SLC47A2: variants seen among roughly 807,000 people sequenced by gnomAD.
SLC47A2 encodes multidrug and toxin extrusion protein 2.
In SLC47A2, 52 loss-of-function variants were observed where a neutral mutation model predicts 67.7. The observed-to-expected ratio is 0.77, with a 90% CI of 0.61 to 0.97. The LOEUF is 0.97. Ranked by LOEUF, SLC47A2 falls within the 50% of genes least tolerant of loss-of-function variation. The probability of loss-of-function intolerance (pLI) is 0.00; values close to 1 mark genes in which losing one functional copy is unlikely to be tolerated. For synonymous variants in SLC47A2, 278 were observed against 292.9 expected, an observed-to-expected ratio of 0.95 and a Z score of 0.52; for missense variants, 676 against 712.3, an observed-to-expected ratio of 0.95 and a Z score of 0.58.
rs778847384 is a variant in SLC47A2 at position 19,715,261 on chromosome 17, A to C, written c.124-44T>G. ...GTCAGACTCGGGGCCACAGGTGCCCACACAGCCGAGCCCTGCAAGACAGGC... is the reference window on the plus strand; with the variant it reads ...GTCAGACTCGGGGCCACAGGTGCCCCCACAGCCGAGCCCTGCAAGACAGGC... On this transcript the variant is annotated intron_variant, in intron 1 of 16. Coordinates refer to ENST00000433844, the MANE Select transcript of SLC47A2 (RefSeq NM_001099646.3). 6 of 1,562,952 alleles carry C rather than the reference A, an allele frequency of 3.8e-6. No homozygotes were observed. In the East Asian group the frequency reaches 1.3e-4, roughly 35 times the overall value.
chr17:19,681,573 A>T lies in SLC47A2; in HGVS notation c.1262T>A (p.Ile421Asn), dbSNP rs754493465. Residue 421 changes from isoleucine to asparagine, a missense_variant, in exon 14 of 17, where the codon ATC (isoleucine) becomes AAC (asparagine). Transcript: ENST00000433844. ...CATTCTGACCACAAAGGTCAGAAGG[A>T]TGCCCAGTGGTAGGCCGATGATGTA... is the stretch of plus-strand genomic sequence containing the variant. The part of the protein sequence containing the change: ...TYYIIGLPLG[I>N]LLTFVVRMRI... 6.8e-6 allele frequency: 11 copies of T among 1,614,206 alleles called. No homozygotes were observed. In the Admixed American group the frequency reaches 1.8e-4, roughly 27 times the overall value.
At chr17:19,691,647 A>AT (rs2085543326) in intron 13 of SLC47A2, among the ~76,000 whole-genome samples, 1 of 152,206 alleles carries the variant, frequency 6.6e-6, no homozygotes, top group Non-Finnish European at 1.5e-5. Flanking sequence ...GGGTACAAAA[A>AT]TGTAGTTAGA....
chr17:19,717,033 GC>G (rs2086284979), upstream of SLC47A2: 1 of 157,606 alleles, frequency 6.3e-6, no homozygotes, highest in South Asian at 1.9e-4. Context: ...TGGTGGCAGA[GC>G]CTGAACAGCC....
chr17:19,682,945 G>T (rs1028817435), intron 13 of SLC47A2, among the ~76,000 whole-genome samples: 4 of 152,166 alleles, frequency 2.6e-5, no homozygotes, highest in African/African-American at 9.7e-5. Flanking sequence ...CCTTGGTCAG[G>T]ATTATTGGCC....
intron 9 of SLC47A2, among the ~76,000 whole-genome samples, chr17:19,705,942 T>A (rs535702743): frequency 4.6e-5 from 7 of 152,282 alleles, no homozygotes; most frequent in African/African-American, 1.7e-4. Context: ...AAAAAGACAT[T>A]CCTGCCTGGC....
At chr17:19,709,051 AG>A (rs1443192184) in intron 5 of SLC47A2, among the ~76,000 whole-genome samples, 1 of 152,254 alleles carries the variant, frequency 6.6e-6, no homozygotes, top group African/African-American at 2.4e-5. Context: ...CATAGTGCAC[AG>A]TGCCTGGTAG....
At chr17:19,693,211 CAATT>C (rs1008766021) in intron 13 of SLC47A2, among the ~76,000 whole-genome samples, 1 of 151,986 alleles carries the variant, frequency 6.6e-6, no homozygotes, top group Non-Finnish European at 1.5e-5. Flanking sequence ...TAATAAAGAA[CAATT>C]AATGCAAAAC....
chr17:19,706,858 T>C, intron 8 of SLC47A2, 97 bp from the exon 9 acceptor site: 1 of 874,692 alleles, frequency 1.1e-6, no homozygotes, highest in South Asian at 1.6e-5. Context: ...CTTTGGCTCT[T>C]CCTGCTCTGG....
At chr17:19,683,708 A>G (rs2085362341) in intron 13 of SLC47A2, among the ~76,000 whole-genome samples, 2 of 152,140 alleles carry the variant, frequency 1.3e-5, no homozygotes, top group South Asian at 4.1e-4. Context: ...TCACTTGAAA[A>G]CAGCTGGAAC....
Position 19,685,440 on chromosome 17 carries a change from G to A in SLC47A2, c.1165-3770C>T. On this transcript the variant is annotated intron_variant, in intron 13 of 16. Coordinates refer to ENST00000433844, the MANE Select transcript of SLC47A2 (RefSeq NM_001099646.3). The surrounding 1 kb of genome is among the most constrained non-coding windows in gnomAD (Gnocchi z 4.5). Reference sequence around the variant, plus strand: ...CCGCCCATCATCTGGGATGTGAGGAGCCCCTCTGCCTGGCCGCCCCGTCTG... The same window carrying A: ...CCGCCCATCATCTGGGATGTGAGGAACCCCTCTGCCTGGCCGCCCCGTCTG... Among the ~76,000 whole-genome samples, 1 of 152,102 alleles carries A rather than the reference G, an allele frequency of 6.6e-6. No homozygotes were observed. The highest frequency in any genetic ancestry group is 2.4e-5 in the African/African-American group (1 of 41,474).
At chr17:19,704,535 AAG>A (rs1440844770) in intron 10 of SLC47A2, 1 of 1,096,998 alleles carries the variant, frequency 9.1e-7, no homozygotes, top group Non-Finnish European at 1.3e-6. Flanking sequence ...TGTAAGAAAA[AAG>A]ATATTTCAGC....
At chr17:19,715,794 C>G (rs1368090199) in intron 1 of SLC47A2, 1 of 144,868 alleles carries the variant, frequency 6.9e-6, no homozygotes, top group Non-Finnish European at 1.5e-5. Flanking sequence ...GCAACCTACC[C>G]GTCCCGGGTT....
rs1202410634 is a variant in SLC47A2, at chr17:19,715,139, C to G, written c.202G>C (p.Ala68Pro). The change falls in exon 2 of 17, where the codon GCA becomes CCA. Residue 68 changes from alanine to proline, a missense_variant. Ala to Pro is a conservative substitution (Grantham distance 27). Transcript: ENST00000433844. ...ACGGCCACCGCGAGGGTCACCGATG[C>G]CAGCTCCACCTTGCCCAGGTGCCCG... Reference protein sequence around the residue: ...FCGHLGKVELASVTLAVAFVN... With the variant: ...FCGHLGKVELPSVTLAVAFVN... 1 of 1,612,458 alleles carries G rather than the reference C, an allele frequency of 6.2e-7. No homozygotes were observed.
chr17:19,708,635 G>T (rs910003922), intron 6 of SLC47A2, 81 bp downstream of exon 6: 157 of 1,600,864 alleles, frequency 9.8e-5, no homozygotes, highest in Non-Finnish European at 1.2e-4. Flanking sequence ...TGGAGAGAAG[G>T]GGAAAGCCCC....
chr17:19,687,835 G>A (rs1020907181), intron 13 of SLC47A2, among the ~76,000 whole-genome samples: 4 of 152,124 alleles, frequency 2.6e-5, no homozygotes, highest in African/African-American at 9.7e-5. Context: ...TAATGAGATT[G>A]AAGCTGTAAT....
Position 19,678,708 on chromosome 17 carries a change from C to A in SLC47A2, c.1679G>T (p.Arg560Met). The A allele has an allele frequency of 6.2e-7, 1 of 1,613,030 alleles. No homozygotes were observed. Among genetic ancestry groups the A allele is most frequent in the South Asian group, 1.1e-5 (1 of 91,024 alleles). The change falls in exon 17 of 17, where the codon AGG becomes ATG. Residue 560 changes from arginine to methionine, a missense_variant. Physicochemically the swap from Arg to Met is moderately conservative, Grantham distance 91. Transcript: ENST00000433844. ...TTGCTAGTGCCTGGTGGCTAGGATC[C>A]TGACCGTGAGCCCCACCATCAGTGT... Reference protein sequence around the residue: ...SATLMVGLTVRILATRH With the variant: ...SATLMVGLTVMILATRH
chr17:19,680,070 C>T, intron 15 of SLC47A2, 31 bp from the exon 16 acceptor site: 1 of 1,606,056 alleles, frequency 6.2e-7, no homozygotes, highest in East Asian at 2.2e-5. Context: ...TTGGGTCAAC[C>T]TGCCAGCTCA....
At chr17:19,708,430 G>A in intron 6 of SLC47A2, 31 bp from the exon 7 acceptor site, 1 of 1,614,164 alleles carries the variant, frequency 6.2e-7, no homozygotes, top group Non-Finnish European at 8.5e-7. Context: ...CCCTGCTAAG[G>A]TGTGAGTGAG....
intron 13 of SLC47A2, chr17:19,692,372 G>C (rs2085562708): frequency 1.0e-5 from 4 of 386,720 alleles, no homozygotes; most frequent in Admixed American, 7.9e-5. Flanking sequence ...CATCACTGCT[G>C]ACCATAAAGA....
Sources: gnomAD v4.1 joint callset for allele counts (sites outside exome capture counted in the v4.1 genomes callset) on GRCh38, gnomAD v4.1.1 for gene constraint, Gnocchi (gnomAD v3.1) non-coding constraint, MANE v1.5 for transcripts, NCBI Gene and HGNC (gene_info 2026-07-23, HGNC 2026-07-21) for gene names.